Variants in ASCC1 observed in about 807,000 individuals in gnomAD.
The protein encoded by ASCC1 is activating signal cointegrator 1 complex subunit 1.
ASCC1 carries 35 observed loss-of-function variants against 46.6 expected under a neutral mutation model. The observed-to-expected ratio is 0.75, with a 90% CI of 0.57 to 0.99. ASCC1 has a LOEUF of 0.99. Ranked by LOEUF, ASCC1 falls within the 50% of genes least tolerant of loss-of-function variation. The pLI is 0.00. For missense variants in ASCC1, 376 were observed against 428.7 expected, an observed-to-expected ratio of 0.88 and a Z score of 1.09; for synonymous variants, 143 against 146.6, an observed-to-expected ratio of 0.98 and a Z score of 0.18.
In ASCC1 at chr10:72,196,925, G is replaced by A. The variant is rs146356471; in HGVS notation, c.375C>T (p.Asp125=). 2.7e-5 allele frequency: 43 copies of A among 1,613,658 alleles called. 2 individuals carry two copies. The African/African-American group carries it at 2.8e-4, about 11-fold the overall frequency. ...SARTRIDVLL[D]TFRRKQPFTH... ...TGAAGGGCTGCTTTCTTCGAAAAGT[G>A]TCCAAAAGAACATCAATCCGTGTTC... Residue 125 remains aspartate, a synonymous_variant, in exon 5 of 10, where the codon GAC becomes GAT. Transcript: ENST00000672957.
In ASCC1 at chr10:72,138,025, C is replaced by T. The variant is rs561100781; in HGVS notation, c.747-4844G>A. Among the ~76,000 whole-genome samples the T allele has an allele frequency of 9.0e-4, 137 of 152,074 alleles. 2 individuals are homozygous for T. The highest frequency in any genetic ancestry group is 3.1e-3 in the African/African-American group (129 of 41,460). ...GATTACAGGCGTGTGCCACTGCCAC[C>T]GGCTAATTTTTGTATTTTTAGTAGA... On this transcript the variant is annotated intron_variant, in intron 7 of 9. Transcript: ENST00000672957.
intron 5 of ASCC1, among the ~76,000 whole-genome samples, chr10:72,195,558 T>A (rs995487459): frequency 8.0e-5 from 12 of 150,124 alleles, no homozygotes; most frequent in African/African-American, 2.8e-4. Flanking sequence ...TATTTTATTT[T>A]ATTTATTTTT....
chr10:72,213,712 G>A (rs1858546425), intron 1 of ASCC1, among the ~76,000 whole-genome samples: 1 of 151,472 alleles, frequency 6.6e-6, no homozygotes, highest in East Asian at 1.9e-4. Flanking sequence ...TTCAAGATCA[G>A]CCTTATGAAC....
chr10:72,113,617 T>C (rs887983530), intron 9 of ASCC1, among the ~76,000 whole-genome samples: 4 of 152,338 alleles, frequency 2.6e-5, no homozygotes, highest in South Asian at 2.1e-4. Context: ...GATTTGAATC[T>C]TCCTTTCCCT....
intron 9 of ASCC1, among the ~76,000 whole-genome samples, chr10:72,103,675 T>C (rs1842044216): frequency 6.6e-6 from 1 of 152,090 alleles, no homozygotes; most frequent in African/African-American, 2.4e-5. Context: ...CCTGCTCTTC[T>C]CCCCTGAAGC....
intron 9 of ASCC1, among the ~76,000 whole-genome samples, chr10:72,109,761 G>A (rs1001987114): frequency 6.6e-6 from 1 of 152,176 alleles, no homozygotes; most frequent in Non-Finnish European, 1.5e-5. Context: ...TCCCCTCTCT[G>A]CAGTCTTTCA....
chr10:72,167,692 C>CCACT (rs1020020199), intron 5 of ASCC1, among the ~76,000 whole-genome samples: 33 of 148,858 alleles, frequency 2.2e-4, no homozygotes, highest in African/African-American at 8.2e-4. Flanking sequence ...AGCTGGGGTG[C>CCACT]AGTGGCATGA....
chr10:72,175,517 G>A (rs186607142), intron 5 of ASCC1, among the ~76,000 whole-genome samples: 2 of 152,258 alleles, frequency 1.3e-5, no homozygotes, highest in East Asian at 3.9e-4. Context: ...AGCTGTATAA[G>A]CTTTAGAAAA....
chr10:72,182,459 G>C (rs1425882942), intron 5 of ASCC1, among the ~76,000 whole-genome samples: 1 of 152,126 alleles, frequency 6.6e-6, no homozygotes, highest in Non-Finnish European at 1.5e-5. Context: ...AGGGCTAATG[G>C]GAATGGTGGC....
intron 6 of ASCC1, among the ~76,000 whole-genome samples, chr10:72,154,406 G>A (rs1018806083): frequency 1.7e-4 from 26 of 151,678 alleles, no homozygotes; most frequent in African/African-American, 5.8e-4. Context: ...AATATTAACA[G>A]TAAAAGAAAC....
chr10:72,196,583 G>A (rs902506189), intron 5 of ASCC1, among the ~76,000 whole-genome samples: 2 of 151,822 alleles, frequency 1.3e-5, no homozygotes, highest in Admixed American at 1.3e-4. Flanking sequence ...CGCCTGGCCC[G>A]ATATGTGTTA....
chr10:72,193,007 C>A (rs1482077712), intron 5 of ASCC1, among the ~76,000 whole-genome samples: 1 of 152,138 alleles, frequency 6.6e-6, no homozygotes, highest in African/African-American at 2.4e-5. Flanking sequence ...GGATGGAGAA[C>A]AACTGGAATT....
At chr10:72,141,036 TATAGATAGATAGATAGATAGATAG>T (rs10655614) in intron 7 of ASCC1, among the ~76,000 whole-genome samples, 3 of 144,172 alleles carry the variant, frequency 2.1e-5, no homozygotes, top group Non-Finnish European at 4.5e-5. Flanking sequence ...TCAAATTGTT[TATAGATAGATAGATAGATAGATAG>T]ATAGATAGAT....
At position 72,161,607 on chromosome 10, in the gene ASCC1, A is replaced by C. The variant is rs1478356978; in HGVS notation, c.557T>G (p.Val186Gly). Residue 186 changes from valine to glycine, a missense_variant, in exon 6 of 10, where the codon GTG becomes GGG. Coordinates refer to ENST00000672957, the MANE Select transcript of ASCC1 (RefSeq NM_001198800.3). ...KKLHLTIGMLVLLSEEEIQQT... is the reference protein window; with the variant it reads ...KKLHLTIGMLGLLSEEEIQQT... ...CTGGATCTCTTCCTCACTCAAAAGC[A>C]CCAACATCCCAATAGTTAGATGAAG... 6.2e-7 allele frequency: 1 copy of C among 1,614,180 alleles called. No homozygotes were observed. Among genetic ancestry groups the C allele is most frequent in the Non-Finnish European group, 8.5e-7 (1 of 1,180,032 alleles).
chr10:72,138,500 G>GGAAAT (rs575417332), intron 7 of ASCC1, among the ~76,000 whole-genome samples: 21 of 151,980 alleles, frequency 1.4e-4, no homozygotes, highest in Non-Finnish European at 2.8e-4. Flanking sequence ...TTACACAGAA[G>GGAAAT]GAAATGATGC....
chr10:72,128,348 C>CTG (rs1239970251), intron 8 of ASCC1, among the ~76,000 whole-genome samples, 181 bp from the exon 9 acceptor site: 1 of 152,188 alleles, frequency 6.6e-6, no homozygotes, highest in African/African-American at 2.4e-5. Context: ...TCAGTTCTGT[C>CTG]AACAATTCAT....
intron 9 of ASCC1, among the ~76,000 whole-genome samples, chr10:72,123,318 G>A (rs908795409): frequency 1.0e-4 from 15 of 150,712 alleles, no homozygotes; most frequent in African/African-American, 2.4e-4. Flanking sequence ...CAGCCTGGGC[G>A]GCAGAGCAAG....
intron 9 of ASCC1, among the ~76,000 whole-genome samples, chr10:72,099,051 A>G (rs374381805): frequency 6.6e-6 from 1 of 152,360 alleles, no homozygotes; most frequent in African/African-American, 2.4e-5. Flanking sequence ...GCAATAAAAG[A>G]CAATACAAAA....
chr10:72,128,403 G>A (rs753573199), intron 8 of ASCC1, among the ~76,000 whole-genome samples: 1 of 152,130 alleles, frequency 6.6e-6, no homozygotes, highest in Non-Finnish European at 1.5e-5. Flanking sequence ...ACATTCTCCA[G>A]GCACTCACTA....
Sources: allele counts gnomAD v4.1 joint callset (sites outside exome capture counted in the v4.1 genomes callset), GRCh38; gene constraint gnomAD v4.1.1; transcripts MANE v1.5; gene names NCBI Gene and HGNC (gene_info 2026-07-23, HGNC 2026-07-21).